MACROD2: variants seen among roughly 807,000 people sequenced by gnomAD.
MACROD2 encodes the protein ADP-ribose glycohydrolase MACROD2.
Under a neutral mutation model 70.4 loss-of-function variants are expected in MACROD2, and 36 were observed. That is an observed-to-expected ratio of 0.51 (90% confidence interval 0.39 to 0.68). MACROD2 has a LOEUF of 0.68. Ranked by LOEUF, MACROD2 falls within the 30% of genes least tolerant of loss-of-function variation. The pLI, the probability that MACROD2 is intolerant of heterozygous loss-of-function variation, is 0.00. For synonymous variants in MACROD2, 172 were observed against 178.8 expected, an observed-to-expected ratio of 0.96 and a Z score of 0.30; for missense variants, 496 against 538.4, an observed-to-expected ratio of 0.92 and a Z score of 0.78.
At chr20:14,571,056 A>C (rs1431826013) in intron 4 of MACROD2, among the ~76,000 whole-genome samples, 1 of 152,084 alleles carries the variant, frequency 6.6e-6, no homozygotes, top group African/African-American at 2.4e-5. Context: ...TGAATTGGTA[A>C]GTCTGAGGAG....
chr20:15,590,524 T>G (rs2048662825), intron 8 of MACROD2, among the ~76,000 whole-genome samples: 1 of 152,252 alleles, frequency 6.6e-6, no homozygotes, highest in African/African-American at 2.4e-5. Flanking sequence ...CATTTGAGTC[T>G]TTCTTTTCTG....
At chr20:14,512,052 C>A (rs1341552994) in intron 4 of MACROD2, among the ~76,000 whole-genome samples, 1 of 152,000 alleles carries the variant, frequency 6.6e-6, no homozygotes, top group Non-Finnish European at 1.5e-5. Flanking sequence ...ATTCCTTGGG[C>A]TGTCAAGAGT....
intron 2 of MACROD2, among the ~76,000 whole-genome samples, chr20:14,081,834 TC>T (rs1363666001): frequency 6.6e-6 from 1 of 152,226 alleles, no homozygotes; most frequent in African/African-American, 2.4e-5. Flanking sequence ...TATGTACATA[TC>T]TTTTTGGCAT....
intron 5 of MACROD2, among the ~76,000 whole-genome samples, chr20:15,194,861 G>T (rs1031472837): frequency 2.6e-5 from 4 of 152,052 alleles, no homozygotes; most frequent in African/African-American, 9.7e-5. Context: ...CAGCCTCGTG[G>T]TTCCTAATCC....
At chr20:15,680,033 C>A (rs916342109) in intron 8 of MACROD2, among the ~76,000 whole-genome samples, 7 of 152,032 alleles carry the variant, frequency 4.6e-5, no homozygotes, top group African/African-American at 1.7e-4. Flanking sequence ...AAGCCCTGCC[C>A]CTGAAGTCAT....
At chr20:15,317,541 A>G (rs191333521) in intron 6 of MACROD2, among the ~76,000 whole-genome samples, 1 of 144,864 alleles carries the variant, frequency 6.9e-6, no homozygotes, top group Non-Finnish European at 1.5e-5. Flanking sequence ...ATCTATCTCT[A>G]TCAAGATATT....
chr20:15,006,056 A>T (rs1568922389), intron 5 of MACROD2, among the ~76,000 whole-genome samples: 1 of 151,870 alleles, frequency 6.6e-6, no homozygotes, highest in Non-Finnish European at 1.5e-5. Context: ...TGACTGTTGT[A>T]TTCTGTGCAC....
intron 5 of MACROD2, among the ~76,000 whole-genome samples, chr20:15,065,841 T>C (rs1254827648): frequency 1.3e-5 from 2 of 152,194 alleles, no homozygotes; most frequent in African/African-American, 4.8e-5. Context: ...GAAGAAAGTT[T>C]TAAGTAATAC....
chr20:14,363,522 T>G (rs1441241180), intron 3 of MACROD2, among the ~76,000 whole-genome samples: 5 of 152,108 alleles, frequency 3.3e-5, no homozygotes, highest in African/African-American at 1.2e-4. Flanking sequence ...TCTTCCTATT[T>G]AGAAAATAAG....
chr20:14,913,465 C>T (rs73270514), intron 5 of MACROD2, among the ~76,000 whole-genome samples: 4 of 152,028 alleles, frequency 2.6e-5, no homozygotes, highest in Non-Finnish European at 5.9e-5. Context: ...GGCAGGAGGA[C>T]TTATTGAGGC....
intron 8 of MACROD2, among the ~76,000 whole-genome samples, chr20:15,698,288 G>T (rs988659544): frequency 2.0e-5 from 3 of 152,116 alleles, no homozygotes; most frequent in Admixed American, 2.0e-4. Context: ...AATTCTCTCA[G>T]CATTTGTTTG....
At chr20:14,973,136 G>A (rs896640035) in intron 5 of MACROD2, among the ~76,000 whole-genome samples, 5 of 151,560 alleles carry the variant, frequency 3.3e-5, no homozygotes, top group African/African-American at 1.2e-4. Context: ...ATGTGATTTG[G>A]TCAACCATCT....
At chr20:14,991,485 A>G (rs2074903474) in intron 5 of MACROD2, among the ~76,000 whole-genome samples, 1 of 152,094 alleles carries the variant, frequency 6.6e-6, no homozygotes, top group Non-Finnish European at 1.5e-5. Flanking sequence ...AGACCTAAGG[A>G]ATTTATTTTC....
intron 5 of MACROD2, among the ~76,000 whole-genome samples, chr20:14,978,825 C>T (rs2122829545): frequency 6.8e-6 from 1 of 146,802 alleles, no homozygotes; most frequent in South Asian, 2.1e-4. Context: ...TCCAAGTTGT[C>T]CCTGTTTGCA....
chr20:14,532,528 C>CA (rs1230242422), intron 4 of MACROD2, among the ~76,000 whole-genome samples: 1 of 151,838 alleles, frequency 6.6e-6, no homozygotes, highest in Non-Finnish European at 1.5e-5. Context: ...TCATTTTTAA[C>CA]AAAAAAATTT....
intron 3 of MACROD2, among the ~76,000 whole-genome samples, chr20:14,143,424 T>C (rs1429562974): frequency 6.6e-6 from 1 of 152,174 alleles, no homozygotes; most frequent in African/African-American, 2.4e-5. Context: ...GATAAAATGA[T>C]GAAATCACTG....
intron 3 of MACROD2, among the ~76,000 whole-genome samples, chr20:14,238,983 C>T (rs1014006649): frequency 3.1e-5 from 4 of 128,946 alleles, no homozygotes; most frequent in Non-Finnish European, 6.2e-5. Flanking sequence ...GCCAAGATTG[C>T]GCCACTGCAC....
intron 5 of MACROD2, among the ~76,000 whole-genome samples, chr20:15,195,965 C>G (rs1473330052): frequency 6.6e-6 from 1 of 152,114 alleles, no homozygotes; most frequent in Non-Finnish European, 1.5e-5. Context: ...TTATCTTCAA[C>G]AAACTAATGC....
At chr20:16,003,078 CCACCCACACA>C (rs200754682) in intron 15 of MACROD2, among the ~76,000 whole-genome samples, 37,222 of 129,570 alleles carry the variant, frequency 0.29, 4,877 homozygotes, top group East Asian at 0.3. Context: ...ACCCACCCAC[CCACCCACACA>C]CACACACACA....
Sources: gnomAD v4.1 joint callset for allele counts (sites outside exome capture counted in the v4.1 genomes callset) on GRCh38, gnomAD v4.1.1 for gene constraint, MANE v1.5 for transcripts, NCBI Gene and HGNC (gene_info 2026-07-23, HGNC 2026-07-21) for gene names.